SLC22A15: variants seen among roughly 807,000 people sequenced by gnomAD.
SLC22A15 encodes the protein solute carrier family 22 member 15, also known as flipt 1.
SLC22A15 carries 45 observed loss-of-function variants against 62.7 expected under a neutral mutation model. The ratio of observed to expected loss-of-function variants is 0.72; its 90% CI spans 0.56 to 0.92. SLC22A15 has a LOEUF of 0.92. SLC22A15 is among the 40% of genes least tolerant of loss of function. The pLI is 0.00. For missense variants in SLC22A15, 622 were observed against 665.6 expected (o/e 0.93, Z 0.72); for synonymous variants, 264 against 267.0 (o/e 0.99, Z 0.11).
chr1:116,035,219 C>T lies in SLC22A15; in HGVS notation c.977C>T (p.Thr326Ile). The T allele has an allele frequency of 1.2e-6, 2 of 1,613,214 alleles. No homozygotes were observed. Among genetic ancestry groups the T allele is most frequent in the Non-Finnish European group, 8.5e-7 (1 of 1,179,458 alleles). ...TGCAGCTTGGTGTATTATGGCCTAACTCTGAGTGCGGGTGATCTAGGTGGA... is the reference window on the plus strand; with the variant it reads ...TGCAGCTTGGTGTATTATGGCCTAATTCTGAGTGCGGGTGATCTAGGTGGA... ...FVCSLVYYGL[T>I]LSAGDLGGSI... is the part of the protein sequence containing the mutation. Residue 326 changes from threonine (T) to isoleucine (I), a missense_variant, in exon 7 of 12, where the codon ACT (threonine) becomes ATT (isoleucine). Coordinates refer to ENST00000369503, the MANE Select transcript of SLC22A15 (RefSeq NM_018420.3).
chr1:116,046,429 G>A (rs1434316513), intron 8 of SLC22A15, among the ~76,000 whole-genome samples: 1 of 152,180 alleles, frequency 6.6e-6, no homozygotes, highest in Non-Finnish European at 1.5e-5. Flanking sequence ...TTGAATGGAT[G>A]CTTCTCCAAA....
intron 2 of SLC22A15, among the ~76,000 whole-genome samples, chr1:116,014,948 A>G (rs1175308148): frequency 6.6e-6 from 1 of 152,222 alleles, no homozygotes; most frequent in Non-Finnish European, 1.5e-5. Context: ...AGTATAGATT[A>G]CGCCAGTACA....
intron 8 of SLC22A15, among the ~76,000 whole-genome samples, chr1:116,042,482 A>G (rs956866467): frequency 1.3e-5 from 2 of 152,162 alleles, no homozygotes; most frequent in African/African-American, 4.8e-5. Context: ...AACTAACAAA[A>G]CATCAGTGAA....
chr1:115,981,998 G>A (rs1265532747), intron 1 of SLC22A15, among the ~76,000 whole-genome samples: 2 of 152,200 alleles, frequency 1.3e-5, no homozygotes, highest in Non-Finnish European at 2.9e-5. Context: ...ACTTGGAAAT[G>A]GCTGGATCAC....
intron 2 of SLC22A15, among the ~76,000 whole-genome samples, chr1:115,993,793 G>A (rs544962164): frequency 1.3e-5 from 2 of 152,152 alleles, no homozygotes; most frequent in South Asian, 2.1e-4. Context: ...CTCACACTTC[G>A]TAGCTTGGTC....
At chr1:115,986,538 G>A (rs933786963) in intron 1 of SLC22A15, among the ~76,000 whole-genome samples, 3 of 152,188 alleles carry the variant, frequency 2.0e-5, no homozygotes, top group Admixed American at 2.0e-4. Flanking sequence ...ATCTGAGCTT[G>A]AGCTGAACTT....
chr1:116,025,693 T>C (rs1468457621), intron 4 of SLC22A15, among the ~76,000 whole-genome samples: 3 of 152,210 alleles, frequency 2.0e-5, no homozygotes, highest in African/African-American at 4.8e-5. Context: ...TACAGCTCTG[T>C]GTCCTTAGGC....
chr1:116,028,887 G>T (rs1657237372), intron 5 of SLC22A15, among the ~76,000 whole-genome samples: 1 of 152,080 alleles, frequency 6.6e-6, no homozygotes, highest in African/African-American at 2.4e-5. Context: ...TTTCTCAAAT[G>T]CCGTCCACCC....
In SLC22A15 at chr1:116,019,660, A is replaced by T; in HGVS notation, c.379A>T (p.Ile127Phe). The T allele has an allele frequency of 6.2e-7, 1 of 1,613,684 alleles. No homozygotes were observed. Among genetic ancestry groups the T allele is most frequent in the South Asian group, 1.1e-5 (1 of 90,996 alleles). The change falls in exon 3 of 12, where the codon ATC (isoleucine) becomes TTC (phenylalanine). Residue 127 changes from isoleucine to phenylalanine, a missense_variant. By Grantham distance (21) the Ile-to-Phe change is conservative. Coordinates refer to ENST00000369503, the MANE Select transcript of SLC22A15 (RefSeq NM_018420.3). ...FFFSGVFVGV[I>F]SFGQLSDRFG... ...CTTCAGTGGTGTATTTGTTGGAGTTATCTCTTTTGGTCAGCTTTCAGATCG... is the reference window on the plus strand; with the variant it reads ...CTTCAGTGGTGTATTTGTTGGAGTTTTCTCTTTTGGTCAGCTTTCAGATCG...
At chr1:116,030,551 G>A (rs1657341684) in intron 5 of SLC22A15, among the ~76,000 whole-genome samples, 1 of 152,110 alleles carries the variant, frequency 6.6e-6, no homozygotes, top group South Asian at 2.1e-4. Flanking sequence ...GTAAAATGGG[G>A]AAGAGGCAAA....
rs1347537922 is a variant in SLC22A15, at chr1:115,976,693, C to T, written c.66C>T (p.Phe22=). The T allele has an allele frequency of 6.3e-7, 1 of 1,585,240 alleles. No individual in the cohort carries two copies. The highest frequency in any genetic ancestry group is 1.7e-4 in the Middle Eastern group (1 of 5,902). ...EMGIYQMYLC[F]LLAVLLQLYV... The stretch of plus-strand genomic sequence containing the variant: ...GCATCTACCAGATGTACTTGTGCTT[C>T]CTGCTGGCCGTGCTGCTGCAGGTAA... Residue 22 remains phenylalanine (F), a synonymous_variant, in exon 1 of 12, where the codon TTC becomes TTT. Transcript: ENST00000369503.
In SLC22A15 at chr1:116,026,416, A is replaced by G. The variant is rs577738530; in HGVS notation, c.599-477A>G. ...ACTCCAGCCTGGGCGACAGAGCGAG[A>G]TTCTGTCTCAAAAAAAAAAGGGAAG... On this transcript the variant is annotated intron_variant, in intron 4 of 11. Transcript: ENST00000369503. 1.1e-4 allele frequency among the ~76,000 whole-genome samples: 16 copies of G among 151,790 alleles called. No individual in the cohort carries two copies. The East Asian group carries it at 3.1e-3, about 29-fold the overall frequency.
intron 8 of SLC22A15, among the ~76,000 whole-genome samples, chr1:116,052,878 A>G (rs540196038): frequency 3.3e-4 from 51 of 152,290 alleles, no homozygotes; most frequent in African/African-American, 1.2e-3. Flanking sequence ...AACAAACAGA[A>G]AGGACATCCA....
At chr1:116,060,011 C>A (rs1056547331) in intron 8 of SLC22A15, among the ~76,000 whole-genome samples, 2 of 152,116 alleles carry the variant, frequency 1.3e-5, no homozygotes, top group African/African-American at 2.4e-5. Context: ...TTGCTTATGT[C>A]TTTTAAATCG....
rs750940801 is a variant in SLC22A15, at chr1:115,992,078, G to A, written c.135G>A (p.Thr45=). 5 of 1,613,760 alleles carry A rather than the reference G, an allele frequency of 3.1e-6. No homozygotes were observed. The highest frequency in any genetic ancestry group is 1.7e-5 in the Admixed American group (1 of 59,998). ...TCCTCATTGCACTGGTTGGGGCCACGCCATCCTACCACTGGGACCTGGCAG... is the reference window on the plus strand; with the variant it reads ...TCCTCATTGCACTGGTTGGGGCCACACCATCCTACCACTGGGACCTGGCAG... ...EAILIALVGA[T]PSYHWDLAEL... is the part of the protein sequence containing the mutation. The change falls in exon 2 of 12, where the codon ACG becomes ACA. Residue 45 remains threonine (T), a synonymous_variant. Transcript: ENST00000369503.
chr1:116,045,762 TATA>T (rs1200294941), intron 8 of SLC22A15, among the ~76,000 whole-genome samples: 1 of 142,944 alleles, frequency 7.0e-6, no homozygotes, highest in Non-Finnish European at 1.5e-5. Context: ...AAAAAAGACT[TATA>T]ATGAAGTTAC....
At position 116,067,303 on chromosome 1, in the gene SLC22A15, A is replaced by C. The variant is rs1016927793; in HGVS notation, c.*195A>C. 1 of 562,920 alleles carries C rather than the reference A, an allele frequency of 1.8e-6. No homozygotes were observed. Among genetic ancestry groups the C allele is most frequent in the Non-Finnish European group, 3.2e-6 (1 of 317,418 alleles). The allele number at this position is 562,920 out of a possible 1,614,324, so 34.9% of individuals were successfully genotyped here. Reference sequence around the variant, plus strand: ...ATTTCATGAAAGACAACATCACTGCATTGAGAGAATAGTTGTTAATTTGTT... The same window carrying C: ...ATTTCATGAAAGACAACATCACTGCCTTGAGAGAATAGTTGTTAATTTGTT... On this transcript the variant is annotated 3_prime_UTR_variant, in exon 12 of 12. Transcript: ENST00000369503.
At position 116,045,766 on chromosome 1, in the gene SLC22A15, A is replaced by G. The variant is rs552992870; in HGVS notation, c.1171+8378A>G. Among the ~76,000 whole-genome samples the G allele has an allele frequency of 2.7e-5, 4 of 150,124 alleles. No homozygotes were observed. In the South Asian group the frequency reaches 8.4e-4, roughly 32 times the overall value. On this transcript the variant is annotated intron_variant, in intron 8 of 11. Transcript: ENST00000369503. ...AAAAAAAAAAAAAAAAAGACTTATA[A>G]TGAAGTTACATTAATCAAGACAGTA...
chr1:116,065,749 A>C (rs1317743387), intron 10 of SLC22A15, among the ~76,000 whole-genome samples: 3 of 152,132 alleles, frequency 2.0e-5, no homozygotes, highest in Non-Finnish European at 4.4e-5. Context: ...TAGTGGACCT[A>C]CCCACGAAAT....
Sources: allele counts gnomAD v4.1 joint callset (sites outside exome capture counted in the v4.1 genomes callset), GRCh38; gene constraint gnomAD v4.1.1; transcripts MANE v1.5; gene names NCBI Gene and HGNC (gene_info 2026-07-23, HGNC 2026-07-21).